SNAP25: variants seen among roughly 807,000 people sequenced by gnomAD.
SNAP25 encodes the protein synaptosomal-associated protein 25.
In SNAP25, 3 loss-of-function variants were observed where a neutral mutation model predicts 28.7. The ratio of observed to expected loss-of-function variants is 0.10; its 90% CI spans 0.05 to 0.27. SNAP25 has a LOEUF of 0.27. Among genes scored for constraint, SNAP25 ranks in the 10% least tolerant of loss-of-function variants. The pLI, the probability that SNAP25 is intolerant of heterozygous loss-of-function variation, is 1.00. For synonymous variants in SNAP25, 61 were observed against 88.1 expected (o/e 0.69, Z 1.72); for missense variants, 117 against 278.7 (o/e 0.42, Z 4.13).
rs141461450 is a variant in SNAP25 at position 10,270,203 on chromosome 20, G to A, written c.-63-5226G>A. ...TGGGAGGCAGAGGTTGTGGTGAGCC[G>A]AGATCATGCCATTGCACTCCAGCCT... On this transcript the variant is annotated intron_variant, in intron 1 of 7. Coordinates refer to ENST00000254976, the MANE Select transcript of SNAP25 (RefSeq NM_130811.4). 4.7e-3 allele frequency among the ~76,000 whole-genome samples: 711 copies of A among 152,206 alleles called. 5 individuals are homozygous for A. The highest frequency in any genetic ancestry group is 0.016 in the African/African-American group (677 of 41,520).
At chr20:10,272,577 C>T (rs2063614436) in intron 1 of SNAP25, among the ~76,000 whole-genome samples, 1 of 152,130 alleles carries the variant, frequency 6.6e-6, no homozygotes, top group Admixed American at 6.5e-5. Context: ...TTTTCTAGAT[C>T]CTAATTTGTA....
chr20:10,301,407 C>T (rs917339210), intron 7 of SNAP25, among the ~76,000 whole-genome samples: 1 of 152,064 alleles, frequency 6.6e-6, no homozygotes, highest in Non-Finnish European at 1.5e-5. Flanking sequence ...TTTAAATAGC[C>T]CCTTTTTTTT....
intron 1 of SNAP25, among the ~76,000 whole-genome samples, chr20:10,224,257 C>CTTTTTTTTTTTTATTTTTTTT (rs2062690706): frequency 5.7e-5 from 1 of 17,420 alleles, no homozygotes; most frequent in African/African-American, 2.7e-4. Flanking sequence ...ATGTACATGT[C>CTTTTTTTTTTTTATTTTTTTT]TTTTTTTTTT....
At chr20:10,294,096 G>GT (rs2064054541) in intron 5 of SNAP25, among the ~76,000 whole-genome samples, 1 of 152,172 alleles carries the variant, frequency 6.6e-6, no homozygotes, top group South Asian at 2.1e-4. Flanking sequence ...TTGACTAGTG[G>GT]TGGAAAAAGA....
intron 1 of SNAP25, among the ~76,000 whole-genome samples, chr20:10,269,475 A>G (rs1363133924): frequency 6.6e-6 from 1 of 152,200 alleles, no homozygotes; most frequent in Non-Finnish European, 1.5e-5. Context: ...TGAAAAGGGG[A>G]TTTTACAGAC....
intron 1 of SNAP25, among the ~76,000 whole-genome samples, chr20:10,262,813 G>A (rs1485086380): frequency 6.6e-6 from 1 of 152,082 alleles, no homozygotes; most frequent in Non-Finnish European, 1.5e-5. Flanking sequence ...TCTTTGGAGT[G>A]TACATTACAC....
chr20:10,263,508 G>T (rs936719223), intron 1 of SNAP25, among the ~76,000 whole-genome samples: 1 of 152,178 alleles, frequency 6.6e-6, no homozygotes, highest in Non-Finnish European at 1.5e-5. Context: ...AAATAGTTTG[G>T]TTTTCATGAG....
chr20:10,294,049 G>A (rs966601567), intron 5 of SNAP25, among the ~76,000 whole-genome samples: 2 of 152,222 alleles, frequency 1.3e-5, no homozygotes, highest in Admixed American at 6.5e-5. Flanking sequence ...TGCAATGGAA[G>A]GAACCTAAAA....
chr20:10,306,228 T>G lies in SNAP25; in HGVS notation c.*31T>G. The G allele has an allele frequency of 3.1e-6, 5 of 1,607,294 alleles. No homozygotes were observed. Among genetic ancestry groups the G allele is most frequent in the Non-Finnish European group, 4.3e-6 (5 of 1,174,386 alleles). ...CCCACCCGTGTTCTCCTCCAAATGC[T>G]GTCGGGCAAGATAGCTCCTTCATGC... On this transcript the variant is annotated 3_prime_UTR_variant, in exon 8 of 8. Transcript: ENST00000254976.
intron 1 of SNAP25, among the ~76,000 whole-genome samples, chr20:10,272,633 A>G (rs1174953087): frequency 6.6e-6 from 1 of 152,234 alleles, no homozygotes; most frequent in Non-Finnish European, 1.5e-5. Flanking sequence ...AATAAAACAC[A>G]GTGTTCACAT....
intron 1 of SNAP25, among the ~76,000 whole-genome samples, chr20:10,257,941 G>C (rs1022401206): frequency 6.7e-6 from 1 of 149,352 alleles, no homozygotes; most frequent in African/African-American, 2.5e-5. Flanking sequence ...TCATAGAATA[G>C]TGCCCAAGGA....
chr20:10,300,753 T>C (rs2064217293), intron 7 of SNAP25, among the ~76,000 whole-genome samples: 1 of 152,222 alleles, frequency 6.6e-6, no homozygotes, highest in Non-Finnish European at 1.5e-5. Flanking sequence ...TAGTGTTGGT[T>C]GGCAAAATAC....
chr20:10,294,918 C>T (rs1255769815), intron 5 of SNAP25, among the ~76,000 whole-genome samples: 1 of 152,074 alleles, frequency 6.6e-6, no homozygotes, highest in Non-Finnish European at 1.5e-5. Flanking sequence ...CCAACAGATA[C>T]ATTTTCCCCC....
intron 3 of SNAP25, among the ~76,000 whole-genome samples, chr20:10,280,274 C>T (rs2063757177): frequency 6.6e-6 from 1 of 152,096 alleles, no homozygotes; most frequent in Admixed American, 6.5e-5. Context: ...TCATTATCAG[C>T]ATCTCAAGGA....
At chr20:10,285,008 T>C (rs933967308) in intron 4 of SNAP25, among the ~76,000 whole-genome samples, 1 of 152,112 alleles carries the variant, frequency 6.6e-6, no homozygotes, top group Non-Finnish European at 1.5e-5. Flanking sequence ...CTCTGTTATA[T>C]ATGTTGGGGT....
Position 10,307,256 on chromosome 20 carries a change from TAA to T in SNAP25, c.*1061_*1062del, listed in dbSNP as rs2064383158. ...AATTGCTGAGATGTTTAGTAGCTGA[TAA>T]AGAAACCTTTTAAAAAAATAATATA... On this transcript the variant is annotated 3_prime_UTR_variant, in exon 8 of 8. Coordinates refer to ENST00000254976, the MANE Select transcript of SNAP25 (RefSeq NM_130811.4). The T allele has an allele frequency of 6.6e-6, 1 of 152,650 alleles. No homozygotes were observed. The highest frequency in any genetic ancestry group is 2.4e-5 in the African/African-American group (1 of 41,448). The allele number at this position is 152,650 out of a possible 1,614,324, so 9.5% of individuals were successfully genotyped here.
intron 1 of SNAP25, among the ~76,000 whole-genome samples, chr20:10,269,748 A>G (rs934760713): frequency 6.6e-6 from 1 of 152,360 alleles, no homozygotes; most frequent in African/African-American, 2.4e-5. Context: ...GTGCTCCAGT[A>G]AAACTTTATT....
At chr20:10,226,628 A>G (rs1454398820) in intron 1 of SNAP25, among the ~76,000 whole-genome samples, 1 of 152,134 alleles carries the variant, frequency 6.6e-6, no homozygotes, top group Non-Finnish European at 1.5e-5. Flanking sequence ...CATTAATTCA[A>G]TGTAGAAAAG....
At chr20:10,267,398 GA>G (rs1234821670) in intron 1 of SNAP25, among the ~76,000 whole-genome samples, 10 of 152,298 alleles carry the variant, frequency 6.6e-5, no homozygotes, top group African/African-American at 2.4e-4. Context: ...GTGAGGGTGG[GA>G]GGTGTGGAAG....
Sources: gnomAD v4.1 joint callset for allele counts (sites outside exome capture counted in the v4.1 genomes callset) on GRCh38, gnomAD v4.1.1 for gene constraint, MANE v1.5 for transcripts, NCBI Gene and HGNC (gene_info 2026-07-23, HGNC 2026-07-21) for gene names.